The following NTM variants were observed in gnomAD, a reference collection of about 807,000 sequenced individuals.
NTM encodes the protein neurotrimin, also known as IgLON family member 2.
A neutral mutation model predicts 42.1 loss-of-function variants in NTM; 13 were observed. The observed-to-expected ratio is 0.31, with a 90% CI of 0.20 to 0.49. The LOEUF (loss-of-function observed/expected upper bound fraction) is 0.49, where lower values mean the gene tolerates loss of function less well. Among genes scored for constraint, NTM ranks in the 20% least tolerant of loss-of-function variants. The pLI is 0.99. For synonymous variants in NTM, 187 were observed against 179.2 expected (o/e 1.04, Z -0.35); for missense variants, 373 against 452.8 (o/e 0.82, Z 1.60).
At chr11:131,685,329 G>A (rs932078138) in intron 1 of NTM, among the ~76,000 whole-genome samples, 1 of 151,894 alleles carries the variant, frequency 6.6e-6, no homozygotes, top group Non-Finnish European at 1.5e-5. Context: ...ATGGAGAGTC[G>A]GGCATCCATG....
At chr11:131,548,075 G>A (rs2054176137) in intron 1 of NTM, among the ~76,000 whole-genome samples, 1 of 152,184 alleles carries the variant, frequency 6.6e-6, no homozygotes, top group Non-Finnish European at 1.5e-5. Flanking sequence ...ATTTCAATGA[G>A]CTGCTGTTTC....
chr11:132,262,928 T>C (rs35528635), intron 4 of NTM, among the ~76,000 whole-genome samples: 9,867 of 152,296 alleles, frequency 0.065, 420 homozygotes, highest in Non-Finnish European at 0.1. Flanking sequence ...ACAAGTTATG[T>C]ATTTCCAAAA....
intron 4 of NTM, among the ~76,000 whole-genome samples, chr11:132,269,678 A>G (rs1436143748): frequency 6.6e-6 from 1 of 152,238 alleles, no homozygotes; most frequent in Admixed American, 6.5e-5. Flanking sequence ...ATGACATGAT[A>G]CTGACTGAGA....
At chr11:131,911,130 C>T (rs1160238866) in intron 1 of NTM, 1 of 1,251,800 alleles carries the variant, frequency 8.0e-7, no homozygotes, top group African/African-American at 1.5e-5. Context: ...AGTGCCGTGT[C>T]TGAACTGCCG....
chr11:132,090,024 A>G (rs1016447329), intron 2 of NTM, among the ~76,000 whole-genome samples: 6 of 152,260 alleles, frequency 3.9e-5, no homozygotes, highest in Admixed American at 6.5e-5. Context: ...GATGCTTTGT[A>G]TATATTGTTT....
At chr11:131,887,254 C>T (rs1047551137) in intron 1 of NTM, among the ~76,000 whole-genome samples, 3 of 152,088 alleles carry the variant, frequency 2.0e-5, no homozygotes, top group African/African-American at 4.8e-5. Context: ...ATGTTGTACA[C>T]CTTGAATATA....
At chr11:131,694,555 G>T (rs1428348716) in intron 1 of NTM, among the ~76,000 whole-genome samples, 1 of 152,170 alleles carries the variant, frequency 6.6e-6, no homozygotes, top group Non-Finnish European at 1.5e-5. Context: ...GTTCTGAAGA[G>T]CTTAAGCCAC....
At chr11:131,773,915 C>A in intron 1 of NTM, 2 of 631,150 alleles carry the variant, frequency 3.2e-6, no homozygotes, top group South Asian at 7.0e-5. Flanking sequence ...TCAGCTACGA[C>A]TGCTGGACTC....
At chr11:131,405,087 G>T (rs756871272) in intron 1 of NTM, among the ~76,000 whole-genome samples, 19 of 152,266 alleles carry the variant, frequency 1.2e-4, no homozygotes, top group Middle Eastern at 3.4e-3. Context: ...ACACATGAAA[G>T]GTTGTCTGTT....
At chr11:131,789,965 A>G (rs2090686558) in intron 1 of NTM, among the ~76,000 whole-genome samples, 3 of 149,986 alleles carry the variant, frequency 2.0e-5, no homozygotes, top group Non-Finnish European at 4.5e-5. Flanking sequence ...CAAAAAAAAA[A>G]AAAAAAAAAA....
chr11:131,371,084 A>G (rs982450244), intron 1 of NTM, 196 bp downstream of exon 1: 3 of 985,402 alleles, frequency 3.0e-6, no homozygotes, highest in Non-Finnish European at 3.6e-6. Flanking sequence ...TGCTACCGGA[A>G]TGGGGGAATA....
chr11:131,737,123 A>C (rs1277176388), intron 1 of NTM, among the ~76,000 whole-genome samples: 1 of 152,190 alleles, frequency 6.6e-6, no homozygotes, highest in African/African-American at 2.4e-5. Context: ...GGGAATGGAC[A>C]GTTACTGGGT....
intron 2 of NTM, among the ~76,000 whole-genome samples, chr11:132,004,103 G>T (rs1036547743): frequency 6.6e-5 from 10 of 152,172 alleles, no homozygotes; most frequent in Admixed American, 5.2e-4. Context: ...GGAATTATAG[G>T]GGAGGGAAGG....
rs1945175196 is a variant in NTM, at chr11:131,401,806, A to ATATATATATATATATATATATGTG, written c.82+30939_82+30940insGTGTATATATATATATATATATAT. 2.7e-3 allele frequency among the ~76,000 whole-genome samples: 16 copies of ATATATATATATATATATATATGTG among 5,822 alleles called. 2 individuals carry two copies. Among genetic ancestry groups the ATATATATATATATATATATATGTG allele is most frequent in the Non-Finnish European group, 3.6e-3 (12 of 3,310 alleles). The allele number at this position is 5,822 out of a possible 152,430, so 3.8% of individuals were successfully genotyped here. ...GTGAGTCAGGCCACTGGAAATATAT[A>ATATATATATATATATATATATGTG]TATATATATATATATATATATATAT... On this transcript the variant is annotated intron_variant, in intron 1 of 8. Transcript: ENST00000683400.
At chr11:132,185,183 C>G (rs2078203759) in intron 3 of NTM, among the ~76,000 whole-genome samples, 1 of 152,154 alleles carries the variant, frequency 6.6e-6, no homozygotes, top group Non-Finnish European at 1.5e-5. Context: ...CTTTCTGTGT[C>G]TTGCTTTCTA....
At chr11:132,081,174 T>G (rs1415197549) in intron 2 of NTM, among the ~76,000 whole-genome samples, 1 of 152,206 alleles carries the variant, frequency 6.6e-6, no homozygotes, top group African/African-American at 2.4e-5. Flanking sequence ...TGGAGCTGCA[T>G]AGGAATTAGA....
intron 2 of NTM, among the ~76,000 whole-genome samples, chr11:132,101,713 C>T (rs1431528508): frequency 6.6e-6 from 1 of 152,158 alleles, no homozygotes; most frequent in Non-Finnish European, 1.5e-5. Context: ...GTCTGTCTAT[C>T]ACTAGGCGTA....
intron 2 of NTM, among the ~76,000 whole-genome samples, chr11:131,967,078 G>T (rs1242703843): frequency 2.0e-5 from 3 of 152,208 alleles, no homozygotes; most frequent in Admixed American, 1.3e-4. Context: ...TGCTGGAAAA[G>T]ATCAGGAGTT....
intron 2 of NTM, among the ~76,000 whole-genome samples, chr11:131,994,355 G>A (rs893642532): frequency 1.3e-5 from 2 of 152,174 alleles, no homozygotes; most frequent in African/African-American, 4.8e-5. Flanking sequence ...TTAATGGAAA[G>A]ACAAGTAAAA....
Sources: allele counts gnomAD v4.1 joint callset (sites outside exome capture counted in the v4.1 genomes callset), GRCh38; gene constraint gnomAD v4.1.1; transcripts MANE v1.5; gene names NCBI Gene and HGNC (gene_info 2026-07-23, HGNC 2026-07-21).